RIMKLB: variants seen among roughly 807,000 people sequenced by gnomAD.
RIMKLB encodes ribosomal modification protein rimK like family member B.
A neutral mutation model predicts 32.0 loss-of-function variants in RIMKLB; 7 were observed. The ratio of observed to expected loss-of-function variants is 0.22; its 90% CI spans 0.12 to 0.41. RIMKLB has a LOEUF of 0.41. Among genes scored for constraint, RIMKLB ranks in the 10% least tolerant of loss-of-function variants. RIMKLB has a pLI of 1.00. For missense variants in RIMKLB, 289 were observed against 498.7 expected (o/e 0.58, Z 4.00); for synonymous variants, 172 against 185.1 (o/e 0.93, Z 0.57).
rs990788795 is a variant in RIMKLB, at chr12:8,773,225, T to C, written c.698-96T>C. 1.4e-4 allele frequency: 113 copies of C among 830,758 alleles called. No individual in the cohort carries two copies. The East Asian group carries it at 1.7e-3, about 13-fold the overall frequency. 51.5% of individuals were successfully genotyped at this position (830,758 alleles called of 1,614,324 possible). On this transcript the variant is annotated intron_variant, in intron 5 of 5. Transcript: ENST00000535829. ...TAGAATAACGCCTTTGTTTTCACTA[T>C]TAATTTAGAAGAAAGGCTTAGCCTT...
Position 8,775,780 on chromosome 12 carries a change from A to G in RIMKLB, c.*1996A>G. ...GTACCTCTCATCTGTGCAGTGTCTC[A>G]TTTCACCTCAGAGAAAAGGATACAT... On this transcript the variant is annotated 3_prime_UTR_variant, in exon 6 of 6. Transcript: ENST00000535829. 1.0e-6 allele frequency: 1 copy of G among 985,358 alleles called. No individual in the cohort carries two copies. The allele number at this position is 985,358 out of a possible 1,614,324, so 61.0% of individuals were successfully genotyped here.
intron 5 of RIMKLB, among the ~76,000 whole-genome samples, chr12:8,758,824 A>G (rs113582480): frequency 0.033 from 4,998 of 152,196 alleles, 276 homozygotes; most frequent in African/African-American, 0.11. Context: ...TAATTTCCAT[A>G]TGTGCATTGG....
At chr12:8,781,458 G>C (rs1350622901), downstream of RIMKLB, among the ~76,000 whole-genome samples, 1 of 152,156 alleles carries the variant, frequency 6.6e-6, no homozygotes, top group African/African-American at 2.4e-5. Flanking sequence ...TCTTCCAGCT[G>C]GCTATCTAGG....
At chr12:8,695,163 C>A (rs12582475), upstream of RIMKLB, among the ~76,000 whole-genome samples, 438 of 151,898 alleles carry the variant, frequency 2.9e-3, 21 homozygotes, top group East Asian at 0.068. Context: ...GTATGTCTTC[C>A]CAGGGGATTC....
intron 2 of RIMKLB, among the ~76,000 whole-genome samples, chr12:8,721,454 TC>T (rs1385176273): frequency 1.3e-5 from 2 of 152,238 alleles, no homozygotes; most frequent in Admixed American, 6.5e-5. Flanking sequence ...TCAACAATGT[TC>T]ATAGCCTCTT....
At chr12:8,693,155 AACAG>A (rs1460216695), upstream of RIMKLB, among the ~76,000 whole-genome samples, 1 of 152,186 alleles carries the variant, frequency 6.6e-6, no homozygotes, top group Non-Finnish European at 1.5e-5. Flanking sequence ...CTTGACCTGC[AACAG>A]ACAAACAATT....
chr12:8,708,529 C>G (rs1944095133), intron 1 of RIMKLB, among the ~76,000 whole-genome samples: 1 of 152,016 alleles, frequency 6.6e-6, no homozygotes, highest in African/African-American at 2.4e-5. Flanking sequence ...TGAACTTTTC[C>G]TTTGTTTATT....
intron 5 of RIMKLB, among the ~76,000 whole-genome samples, chr12:8,760,081 GC>G (rs1183628104): frequency 6.6e-6 from 1 of 152,112 alleles, no homozygotes; most frequent in Non-Finnish European, 1.5e-5. Context: ...ATCTCCTAAT[GC>G]TATCCCTCCC....
At chr12:8,762,387 A>C (rs1268722722) in intron 5 of RIMKLB, among the ~76,000 whole-genome samples, 2 of 151,688 alleles carry the variant, frequency 1.3e-5, no homozygotes, top group African/African-American at 4.9e-5. Flanking sequence ...GGATTACCCC[A>C]TGCTAGGGTC....
chr12:8,669,052 C>T, the RIMKLB span: 4 of 153,532 alleles, frequency 2.6e-5, no homozygotes, highest in African/African-American at 7.3e-5. Flanking sequence ...AAAGGAATAC[C>T]CAAGCCTGGG....
At chr12:8,704,992 A>G (rs1180932218) in intron 1 of RIMKLB, among the ~76,000 whole-genome samples, 1 of 151,902 alleles carries the variant, frequency 6.6e-6, no homozygotes, top group Non-Finnish European at 1.5e-5. Flanking sequence ...ACACACACAC[A>G]CACACACAAA....
chr12:8,674,832 G>C, the RIMKLB span, among the ~76,000 whole-genome samples: 1 of 151,002 alleles, frequency 6.6e-6, no homozygotes, highest in African/African-American at 2.4e-5. Context: ...TTACAGTCAT[G>C]AGCCACTGCG....
intron 2 of RIMKLB, among the ~76,000 whole-genome samples, chr12:8,715,228 C>CTTTTTTTTTTTTTTTT (rs61677474): frequency 6.5e-5 from 8 of 123,760 alleles, no homozygotes; most frequent in African/African-American, 2.3e-4. Context: ...TGCTCTTGTT[C>CTTTTTTTTTTTTTTTT]TTTTTTTTTT....
upstream of RIMKLB, among the ~76,000 whole-genome samples, chr12:8,697,498 A>C (rs1431862156): frequency 3.9e-5 from 6 of 151,952 alleles, no homozygotes; most frequent in East Asian, 1.2e-3. Context: ...TTCCAGGCGC[A>C]GATTGATGGG....
chr12:8,736,020 G>T (rs888614258), intron 2 of RIMKLB, among the ~76,000 whole-genome samples: 2 of 152,150 alleles, frequency 1.3e-5, no homozygotes, highest in African/African-American at 4.8e-5. Context: ...GTGAGCCACT[G>T]CCCTGGCCTA....
chr12:8,773,296 T>C, intron 5 of RIMKLB, 25 bp from the exon 6 acceptor site: 1 of 1,506,252 alleles, frequency 6.6e-7, no homozygotes, highest in East Asian at 2.3e-5. Flanking sequence ...ATTTTGTTAA[T>C]TTCCTGTCTT....
In RIMKLB at chr12:8,709,068, A is replaced by G. The variant is rs77905997; in HGVS notation, c.-56-4743A>G. ...CGGTACTCATCTATACTATATGTGG[A>G]CATTTGCAATTGCTGCGTTTATGTT... On this transcript the variant is annotated intron_variant, in intron 1 of 5. Transcript: ENST00000535829. 9.2e-4 allele frequency among the ~76,000 whole-genome samples: 140 copies of G among 152,340 alleles called. 2 individuals carry two copies. The East Asian group carries it at 0.017, about 18-fold the overall frequency.
At chr12:8,739,706 C>T (rs1362837568) in intron 2 of RIMKLB, among the ~76,000 whole-genome samples, 2 of 152,120 alleles carry the variant, frequency 1.3e-5, no homozygotes, top group African/African-American at 2.4e-5. Flanking sequence ...ACTCCTTGGG[C>T]TCAAGCGACC....
chr12:8,700,527 CAT>C (rs1212370193), intron 1 of RIMKLB: 1 of 152,192 alleles, frequency 6.6e-6, no homozygotes. Flanking sequence ...GGCATAGAGA[CAT>C]AAACTGAGTG....
Sources: allele counts gnomAD v4.1 joint callset (sites outside exome capture counted in the v4.1 genomes callset), GRCh38; gene constraint gnomAD v4.1.1; transcripts MANE v1.5; gene names NCBI Gene and HGNC (gene_info 2026-07-23, HGNC 2026-07-21).